ZNF626: variants seen among roughly 807,000 people sequenced by gnomAD.
ZNF626 encodes the protein CTC-513N18.7.
Under a neutral mutation model 11.7 loss-of-function variants are expected in ZNF626, and 4 were observed. The observed-to-expected ratio is 0.34, with a 90% CI of 0.17 to 0.78. ZNF626 has a LOEUF of 0.78. Among genes scored for constraint, ZNF626 ranks in the 30% least tolerant of loss-of-function variants. ZNF626 has a pLI of 0.57. For missense variants in ZNF626, 588 were observed against 587.1 expected (o/e 1.00, Z -0.01); for synonymous variants, 179 against 198.6 (o/e 0.90, Z 0.83).
rs141439566 is a variant in ZNF626, at chr19:20,638,916, A to C, written c.226+6768T>G. 7.5e-3 allele frequency among the ~76,000 whole-genome samples: 1,143 copies of C among 152,262 alleles called. 54 individuals carry two copies. The highest frequency in any genetic ancestry group is 0.065 in the Admixed American group (995 of 15,276). The stretch of plus-strand genomic sequence containing the variant: ...GGAAACTTAGAAAACATTATAGACT[A>C]TGTTATTTATTTTGCAAATAGAGGA... On this transcript the variant is annotated intron_variant, in intron 3 of 3. Transcript: ENST00000601440.
chr19:20,625,318 T>C lies in ZNF626; in HGVS notation c.559A>G (p.Thr187Ala), dbSNP rs1555769442. The part of the protein sequence containing the change: ...ECGKAFKQFS[T>A]LTTHKKIHTG... ...TGAATTTTCTTATGTGTAGTAAGAG[T>C]TGAGAACTGCTTAAAAGCTTTGCCA... Residue 187 changes from threonine (T) to alanine (A), a missense_variant, in exon 4 of 4, where the codon ACT becomes GCT. Physicochemically the swap from Thr to Ala is moderately conservative, Grantham distance 58. Transcript: ENST00000601440. 8 of 1,613,670 alleles carry C rather than the reference T, an allele frequency of 5.0e-6. No homozygotes were observed. The highest frequency in any genetic ancestry group is 6.8e-6 in the Non-Finnish European group (8 of 1,179,688).
At position 20,625,134 on chromosome 19, in the gene ZNF626, T is replaced by G; in HGVS notation, c.743A>C (p.Lys248Thr). The change falls in exon 4 of 4, where the codon AAG (lysine) becomes ACG (threonine). Residue 248 changes from lysine to threonine, a missense_variant. By Grantham distance (78) the Lys-to-Thr change is moderately conservative (BLOSUM62 -1). Coordinates refer to ENST00000601440, the MANE Select transcript of ZNF626 (RefSeq NM_001076675.3). ...FKHSSTLTTH[K>T]RNHTGEKPYK... is the part of the protein sequence containing the mutation. ...GGGTTTCTCTCCAGTATGATTTCTC[T>G]TATGTGTAGTAAGAGTGGAGGAGTG... The G allele has an allele frequency of 6.2e-7, 1 of 1,613,298 alleles. No homozygotes were observed. Among genetic ancestry groups the G allele is most frequent in the Non-Finnish European group, 8.5e-7 (1 of 1,179,926 alleles).
intron 1 of ZNF626, among the ~76,000 whole-genome samples, chr19:20,651,451 C>T (rs1970145423): frequency 6.6e-6 from 1 of 151,954 alleles, no homozygotes; most frequent in South Asian, 2.1e-4. Flanking sequence ...ACTAGTTTAT[C>T]TGTTTGGGTC....
In ZNF626 at chr19:20,624,982, T is replaced by G. The variant is rs782191082; in HGVS notation, c.895A>C (p.Thr299Pro). The G allele has an allele frequency of 3.5e-5, 56 of 1,613,150 alleles. No individual in the cohort carries two copies. Among genetic ancestry groups the G allele is most frequent in the Admixed American group, 2.0e-4 (12 of 59,950 alleles). Residue 299 changes from threonine (T) to proline (P), a missense_variant, in exon 4 of 4, where the codon ACC (threonine) becomes CCC (proline). Thr to Pro is a conservative substitution (Grantham distance 38). Transcript: ENST00000601440. ...ECGKAFNRSS[T>P]LTTHKIIHTG... The stretch of plus-strand genomic sequence containing the variant: ...TGAATTATCTTATGTGTAGTAAGGG[T>G]TGAGGACCGGTTGAAGGCTTTGCCA...
At chr19:20,660,328 G>C (rs1293071183) in intron 1 of ZNF626, among the ~76,000 whole-genome samples, 1 of 104,350 alleles carries the variant, frequency 9.6e-6, no homozygotes, top group Non-Finnish European at 1.7e-5. Context: ...AAGCTTTAAT[G>C]TCCACATCAG....
intron 3 of ZNF626, among the ~76,000 whole-genome samples, chr19:20,641,646 G>A (rs1216583190): frequency 2.0e-5 from 3 of 152,114 alleles, no homozygotes; most frequent in Non-Finnish European, 2.9e-5. Flanking sequence ...CTGGTGTGTA[G>A]TGGCACAATT....
intron 1 of ZNF626, among the ~76,000 whole-genome samples, chr19:20,657,708 G>A (rs1555773260): frequency 6.6e-6 from 1 of 151,998 alleles, no homozygotes; most frequent in Non-Finnish European, 1.5e-5. Context: ...AGGAGGCTGA[G>A]GCAGGAGAAT....
chr19:20,624,790 G>T lies in ZNF626; in HGVS notation c.1087C>A (p.His363Asn). 3.1e-6 allele frequency: 5 copies of T among 1,613,686 alleles called. No homozygotes were observed. The highest frequency in any genetic ancestry group is 4.2e-6 in the Non-Finnish European group (5 of 1,179,990). Reference sequence around the variant, plus strand: ...CATTTGTAGGGTTTCTCTCCAGTATGAATTCTCTTATGTGTAGTAAGGGTA... The same window carrying T: ...CATTTGTAGGGTTTCTCTCCAGTATTAATTCTCTTATGTGTAGTAAGGGTA... ...SSTLTTHKRI[H>N]TGEKPYKCEE... Residue 363 changes from histidine (H) to asparagine (N), a missense_variant, in exon 4 of 4, where the codon CAT (histidine) becomes AAT (asparagine). His to Asn is a moderately conservative substitution (Grantham distance 68). Transcript: ENST00000601440.
intron 3 of ZNF626, among the ~76,000 whole-genome samples, chr19:20,638,828 T>A (rs1190416126): frequency 6.6e-6 from 1 of 151,986 alleles, no homozygotes; most frequent in African/African-American, 2.4e-5. Flanking sequence ...AGCAACATAA[T>A]CATTGTAGAC....
Position 20,649,131 on chromosome 19 carries a change from CCTT to C in ZNF626, c.4-2729_4-2727del, listed in dbSNP as rs1282665866. ...AAAGCCACTTTTTTTTCTTTCTCCT[CCTT>C]CTCTGGATTCCTTCTCAGATGAGAT... is the stretch of plus-strand genomic sequence containing the variant. On this transcript the variant is annotated intron_variant, in intron 1 of 3. Transcript: ENST00000601440. Among the ~76,000 whole-genome samples, 27 of 152,148 alleles carry C rather than the reference CCTT, an allele frequency of 1.8e-4. 1 individual carries two copies. Among genetic ancestry groups the C allele is most frequent in the African/African-American group, 6.0e-4 (25 of 41,466 alleles).
intron 3 of ZNF626, among the ~76,000 whole-genome samples, chr19:20,643,010 C>CAAAA (rs11289893): frequency 9.1e-6 from 1 of 109,326 alleles, no homozygotes; most frequent in Non-Finnish European, 2.1e-5. Flanking sequence ...AACTCCTTCT[C>CAAAA]AAAAAAAAAA....
intron 1 of ZNF626, among the ~76,000 whole-genome samples, chr19:20,656,850 T>C (rs1198305488): frequency 6.6e-6 from 1 of 152,054 alleles, no homozygotes; most frequent in Non-Finnish European, 1.5e-5. Context: ...CTGGTGGGAG[T>C]GTAAATTAGT....
At chr19:20,628,367 A>G (rs1450767135) in intron 3 of ZNF626, among the ~76,000 whole-genome samples, 1 of 152,150 alleles carries the variant, frequency 6.6e-6, no homozygotes, top group Non-Finnish European at 1.5e-5. Context: ...TGACTTCCAC[A>G]ATGGTTGAAC....
Position 20,625,507 on chromosome 19 carries a change from T to C in ZNF626, c.370A>G (p.Lys124Glu). ...KKGCISVDEC[K>E]VHKEGYNELN... ...TCATTATAACCTTCTTTGTGCACCT[T>C]ACACTCATCCACACTTATACATCCT... The change falls in exon 4 of 4, where the codon AAG becomes GAG. Residue 124 changes from lysine to glutamate, a missense_variant. This residue lies in a region of ZNF626 where 524 missense variants were observed against 470.1 expected (regional missense o/e 1.11). Coordinates refer to ENST00000601440, the MANE Select transcript of ZNF626 (RefSeq NM_001076675.3). 6.2e-7 allele frequency: 1 copy of C among 1,614,080 alleles called. No individual in the cohort carries two copies.
In ZNF626 at chr19:20,648,345, AT is replaced by A. The variant is rs1447594097; in HGVS notation, c.4-1941del. Among the ~76,000 whole-genome samples, 3 of 150,300 alleles carry A rather than the reference AT, an allele frequency of 2.0e-5. No individual in the cohort carries two copies. The East Asian group carries it at 5.9e-4, about 30-fold the overall frequency. On this transcript the variant is annotated intron_variant, in intron 1 of 3. Transcript: ENST00000601440. Reference sequence around the variant, plus strand: ...CTTTCTGGGTAATAAATGCCATCCCATTTAAATAAGCATTTTCTTCTTCTTC... The same window carrying A: ...CTTTCTGGGTAATAAATGCCATCCCATTAAATAAGCATTTTCTTCTTCTTC...
intron 3 of ZNF626, among the ~76,000 whole-genome samples, chr19:20,639,322 A>G (rs1211880380): frequency 1.3e-5 from 2 of 152,230 alleles, no homozygotes; most frequent in Non-Finnish European, 2.9e-5. Context: ...TCCAAACCAT[A>G]TTATAGACCA....
At chr19:20,640,168 AT>A (rs1163022562) in intron 3 of ZNF626, among the ~76,000 whole-genome samples, 2 of 150,366 alleles carry the variant, frequency 1.3e-5, no homozygotes, top group African/African-American at 2.4e-5. Flanking sequence ...ACAAAAATAT[AT>A]TTTTAATAAA....
At chr19:20,639,907 T>C (rs1970005140) in intron 3 of ZNF626, among the ~76,000 whole-genome samples, 1 of 152,160 alleles carries the variant, frequency 6.6e-6, no homozygotes, top group Admixed American at 6.6e-5. Flanking sequence ...AAAATTTCAT[T>C]TTTCACAAAA....
rs1198236692 is a variant in ZNF626, at chr19:20,623,702, G to C, written c.*588C>G. 2.5e-5 allele frequency: 5 copies of C among 203,514 alleles called. No homozygotes were observed. The highest frequency in any genetic ancestry group is 9.6e-5 in the African/African-American group (4 of 41,760). 12.6% of individuals were successfully genotyped at this position (203,514 alleles called of 1,614,324 possible). A position where few individuals can be genotyped will look rare whatever the true frequency, so the allele number is the denominator to read the frequency against. On this transcript the variant is annotated 3_prime_UTR_variant, in exon 4 of 4. Transcript: ENST00000601440. Reference sequence around the variant, plus strand: ...TAATCCCCCTTACTTGGGAGGTTGAGGCAGGAGAATGGATTGAACCCAGAA... The same window carrying C: ...TAATCCCCCTTACTTGGGAGGTTGACGCAGGAGAATGGATTGAACCCAGAA...
Sources: gnomAD v4.1 joint callset for allele counts (sites outside exome capture counted in the v4.1 genomes callset) on GRCh38, gnomAD v4.1.1 for gene constraint, gnomAD v4.1.1 regional missense constraint, MANE v1.5 for transcripts, NCBI Gene and HGNC (gene_info 2026-07-23, HGNC 2026-07-21) for gene names.